Variants in MEFV observed in about 807,000 individuals in gnomAD.
MEFV encodes the protein pyrin.
Under a neutral mutation model 62.5 loss-of-function variants are expected in MEFV, and 60 were observed. The observed-to-expected ratio is 0.96, with a 90% CI of 0.78 to 1.19. The LOEUF is 1.19. MEFV is among the 50% of genes most tolerant of loss of function. The probability of loss-of-function intolerance (pLI) is 0.00; values close to 1 mark genes in which losing one functional copy is unlikely to be tolerated. For missense variants in MEFV, 1,169 were observed against 1,004.5 expected, an observed-to-expected ratio of 1.16 and a Z score of -2.21; for synonymous variants, 500 against 415.2, an observed-to-expected ratio of 1.20 and a Z score of -2.48.
At chr16:3,249,297 A>T in intron 3 of MEFV, 134 bp downstream of exon 3, 1 of 842,454 alleles carries the variant, frequency 1.2e-6, no homozygotes, top group Non-Finnish European at 1.9e-6. Context: ...ACTGGTTTAT[A>T]TTGTGTTCTT....
At chr16:3,254,021 TG>T in intron 2 of MEFV, 136 bp downstream of exon 2, 1 of 921,750 alleles carries the variant, frequency 1.1e-6, no homozygotes. Flanking sequence ...TTCACCAGGC[TG>T]GTCTCAAAGT....
Position 3,242,220 on chromosome 16 carries a change from C to G in MEFV, c.*921G>C, listed in dbSNP as rs578162874. On this transcript the variant is annotated 3_prime_UTR_variant, in exon 10 of 10. Transcript: ENST00000219596. ...TCTACTAAAAATGCAAAAAATTAGC[C>G]GGGCATGGTGGCGGGCGCCTGTAAT... is the stretch of plus-strand genomic sequence containing the variant. 1.7e-5 allele frequency: 4 copies of G among 239,992 alleles called. No homozygotes were observed. The highest frequency in any genetic ancestry group is 3.5e-5 in the Non-Finnish European group (4 of 114,206). 14.9% of individuals were successfully genotyped at this position (239,992 alleles called of 1,614,324 possible).
intron 6 of MEFV, among the ~76,000 whole-genome samples, chr16:3,245,729 T>A (rs1040998210): frequency 6.6e-6 from 1 of 152,042 alleles, no homozygotes; most frequent in Non-Finnish European, 1.5e-5. Flanking sequence ...CTGGTGGGAA[T>A]GTGAAGCGAT....
chr16:3,247,135 T>A lies in MEFV; in HGVS notation c.1468A>T (p.Met490Leu). 1 of 1,614,166 alleles carries A rather than the reference T, an allele frequency of 6.2e-7. No individual in the cohort carries two copies. The change falls in exon 5 of 10, where the codon ATG becomes TTG. Residue 490 changes from methionine to leucine, a missense_variant. Coordinates refer to ENST00000219596, the MANE Select transcript of MEFV (RefSeq NM_000243.3). ...FVASLEDVGQ[M>L]VGQIRKAYDT... ...TATGCCTTCCTGATCTGCCCAACCA[T>A]CTGGCCCACGTCCTCCAGTGAGGCC...
rs1399313952 is a variant in MEFV, at chr16:3,243,146, C to A, written c.2341G>T (p.Asp781Tyr). The A allele has an allele frequency of 6.2e-7, 1 of 1,613,130 alleles. No individual in the cohort carries two copies. The highest frequency in any genetic ancestry group is 8.5e-7 in the Non-Finnish European group (1 of 1,179,980). The change falls in exon 10 of 10, where the codon GAC (aspartate) becomes TAC (tyrosine). Residue 781 changes from aspartate to tyrosine, a missense_variant. Asp to Tyr is a radical substitution (Grantham distance 160). Coordinates refer to ENST00000219596, the MANE Select transcript of MEFV (RefSeq NM_000243.3). The part of the protein sequence containing the change: ...TICPVGGQGP[D>Y] ...AGAGATGCAGTGTTGGGCATTCAGT[C>A]AGGCCCCTGACCACCCACTGGACAG...
In MEFV at chr16:3,256,392, C is replaced by T. The variant is rs765151968; in HGVS notation, c.196G>A (p.Ala66Thr). The change falls in exon 1 of 10, where the codon GCC (alanine) becomes ACC (threonine). Residue 66 changes from alanine (A) to threonine (T), a missense_variant. Coordinates refer to ENST00000219596, the MANE Select transcript of MEFV (RefSeq NM_000243.3). Reference protein sequence around the residue: ...LLVTYYGEEYAVQLTLQVLRA... With the variant: ...LLVTYYGEEYTVQLTLQVLRA... ...AGGACCTGCAGGGTGAGCTGCACGGCGTACTCTTCCCCATAGTAGGTGACC... is the reference window on the plus strand; with the variant it reads ...AGGACCTGCAGGGTGAGCTGCACGGTGTACTCTTCCCCATAGTAGGTGACC... The T allele has an allele frequency of 6.2e-6, 10 of 1,613,932 alleles. No homozygotes were observed. Among genetic ancestry groups the T allele is most frequent in the Admixed American group, 5.0e-5 (3 of 60,008 alleles).
Position 3,249,758 on chromosome 16 carries a change from C to G in MEFV, c.933G>C (p.Ala311=), listed in dbSNP as rs774547197. 1.9e-6 allele frequency: 3 copies of G among 1,614,102 alleles called. No individual in the cohort carries two copies. The highest frequency in any genetic ancestry group is 2.5e-6 in the Non-Finnish European group (3 of 1,179,990). The change falls in exon 3 of 10, where the codon GCG becomes GCC. Residue 311 remains alanine (A), a synonymous_variant. Transcript: ENST00000219596. ...SVTGRPPDTA[A]SPRCHAQEGD... ...CTTCCTGGGCGTGGCAGCGGGGACTCGCAGCCGTGTCTGGTGGCCTTCCTG... is the reference window on the plus strand; with the variant it reads ...CTTCCTGGGCGTGGCAGCGGGGACTGGCAGCCGTGTCTGGTGGCCTTCCTG...
chr16:3,249,891 GT>G, intron 2 of MEFV, 111 bp from the exon 3 acceptor site: 1 of 885,954 alleles, frequency 1.1e-6, no homozygotes, highest in Non-Finnish European at 1.8e-6. Context: ...CGAGTTCTCA[GT>G]TAGACTCTGC....
chr16:3,243,940 A>G (rs1596350523), intron 8 of MEFV, 48 bp from the exon 9 acceptor site: 10 of 1,610,112 alleles, frequency 6.2e-6, no homozygotes, highest in African/African-American at 1.3e-5. Flanking sequence ...CATTAGCATT[A>G]AGAGGGGCTA....
At chr16:3,247,444 T>C (rs1275762993) in intron 4 of MEFV, 198 bp from the exon 5 acceptor site, 3 of 598,846 alleles carry the variant, frequency 5.0e-6, no homozygotes, top group Non-Finnish European at 8.9e-6. Context: ...GGGCTAGCTC[T>C]GGGAAAATGT....
Position 3,254,389 on chromosome 16 carries a change from T to TGCCAG in MEFV, c.678_679insCTGGC (p.Arg227LeufsTer37). ...GAGGGCAGGTACACTTCGAAGGGCC[T>TGCCAG]GCACTCCTTCTGCCCCGGGGCGCCC... is the stretch of plus-strand genomic sequence containing the variant. On this transcript the variant is annotated frameshift_variant, in exon 2 of 10. Transcript: ENST00000219596. LOFTEE classifies it high-confidence loss of function. The TGCCAG allele has an allele frequency of 6.2e-7, 1 of 1,614,000 alleles. No homozygotes were observed.
At chr16:3,250,880 C>T (rs370876316) in intron 2 of MEFV, among the ~76,000 whole-genome samples, 4 of 151,440 alleles carry the variant, frequency 2.6e-5, no homozygotes, top group Non-Finnish European at 2.9e-5. Flanking sequence ...AAAAATTAGC[C>T]GGACGTGGTG....
At position 3,248,909 on chromosome 16, in the gene MEFV, C is replaced by G. The variant is rs1958986817; in HGVS notation, c.1356G>C (p.Leu452=). ...SYGEEKAVSF[L]KQTEALKQRV... ...GGCCATCAGCCACCTCTGACCTTAC[C>G]AGAAAGCTCACTGCCTTCTCCTCCC... Residue 452 remains leucine (L), a splice_region_variant and synonymous_variant, in exon 4 of 10, where the codon CTG becomes CTC. Coordinates refer to ENST00000219596, the MANE Select transcript of MEFV (RefSeq NM_000243.3). 3 of 1,613,978 alleles carry G rather than the reference C, an allele frequency of 1.9e-6. No homozygotes were observed. Among genetic ancestry groups the G allele is most frequent in the South Asian group, 2.2e-5 (2 of 91,086 alleles).
Position 3,243,683 on chromosome 16 carries a change from G to A in MEFV, c.1804C>T (p.Leu602=). ...TTGGGGTAAGCGGTTTCTGCATCCA[G>A]AATCACATTAACTGCAAAGAAAATT... The part of the protein sequence containing the change: ...GAQAHAVNVI[L]DAETAYPNLI... Residue 602 remains leucine, a synonymous_variant, in exon 10 of 10, where the codon CTG becomes TTG. Coordinates refer to ENST00000219596, the MANE Select transcript of MEFV (RefSeq NM_000243.3). The A allele has an allele frequency of 6.2e-7, 1 of 1,609,862 alleles. No homozygotes were observed.
At position 3,254,378 on chromosome 16, in the gene MEFV, T is replaced by C. The variant is rs746500055; in HGVS notation, c.690A>G (p.Glu230=). The C allele has an allele frequency of 1.2e-6, 2 of 1,614,132 alleles. No individual in the cohort carries two copies. Among genetic ancestry groups the C allele is most frequent in the Non-Finnish European group, 8.5e-7 (1 of 1,180,012 alleles). ...GCATCTTTCCCGAGGGCAGGTACAC[T>C]TCGAAGGGCCTGCACTCCTTCTGCC... ...APGQKECRPF[E]VYLPSGKMRP... is the part of the protein sequence containing the mutation. Residue 230 remains glutamate (E), a synonymous_variant, in exon 2 of 10, where the codon GAA becomes GAG. Transcript: ENST00000219596.
At chr16:3,251,964 C>A (rs1164004563) in intron 2 of MEFV, 2 of 427,546 alleles carry the variant, frequency 4.7e-6, no homozygotes, top group Admixed American at 2.4e-5. Context: ...CACCTGTAAT[C>A]CCAGCAGTTT....
intron 2 of MEFV, among the ~76,000 whole-genome samples, chr16:3,253,403 C>A (rs968286410): frequency 1.3e-5 from 2 of 152,160 alleles, no homozygotes; most frequent in African/African-American, 4.8e-5. Flanking sequence ...GCCCTGCCTC[C>A]CATCCCTGGC....
intron 4 of MEFV, 23 bp from the exon 5 acceptor site, chr16:3,247,269 G>T (rs372550999): frequency 6.2e-7 from 1 of 1,609,416 alleles, no homozygotes; most frequent in Admixed American, 1.7e-5. Context: ...GGACAGGGAG[G>T]TATGGGGGTC....
At chr16:3,256,184 T>C in intron 1 of MEFV, 127 bp downstream of exon 1, 1 of 1,151,634 alleles carries the variant, frequency 8.7e-7, no homozygotes, top group Non-Finnish European at 1.3e-6. Context: ...TAAAGTCATC[T>C]GGATTTTGGT....
Sources: gnomAD v4.1 joint callset for allele counts (sites outside exome capture counted in the v4.1 genomes callset) on GRCh38, gnomAD v4.1.1 for gene constraint, MANE v1.5 for transcripts, NCBI Gene and HGNC (gene_info 2026-07-23, HGNC 2026-07-21) for gene names.